Variants in NADSYN1 observed in about 807,000 individuals in gnomAD.
NADSYN1 encodes the protein glutamine-dependent NAD(+) synthetase.
In NADSYN1, 80 loss-of-function variants were observed where a neutral mutation model predicts 99.3. The observed-to-expected ratio is 0.81, with a 90% CI of 0.67 to 0.97. The LOEUF is 0.97. Ranked by LOEUF, NADSYN1 falls within the 50% of genes least tolerant of loss-of-function variation. The pLI, the probability that NADSYN1 is intolerant of heterozygous loss-of-function variation, is 0.00. For missense variants in NADSYN1, 859 were observed against 948.5 expected, an observed-to-expected ratio of 0.91 and a Z score of 1.24; for synonymous variants, 385 against 372.1, an observed-to-expected ratio of 1.03 and a Z score of -0.40.
At chr11:71,487,723 T>C (rs12800594) in intron 16 of NADSYN1, among the ~76,000 whole-genome samples, 1 of 146,478 alleles carries the variant, frequency 6.8e-6, no homozygotes, top group African/African-American at 2.5e-5. Context: ...CCCAGCTACT[T>C]GGGAGGCTGA....
intron 2 of NADSYN1, among the ~76,000 whole-genome samples, chr11:71,457,575 A>G (rs987429291): frequency 1.3e-5 from 2 of 152,264 alleles, no homozygotes; most frequent in Admixed American, 1.3e-4. Flanking sequence ...GAAACAAACT[A>G]GAGGCTTAAA....
At chr11:71,460,416 T>C (rs1006248683) in intron 3 of NADSYN1, among the ~76,000 whole-genome samples, 2 of 152,240 alleles carry the variant, frequency 1.3e-5, no homozygotes, top group African/African-American at 2.4e-5. Flanking sequence ...CATGGTGCCA[T>C]CCTGGCTCAC....
At chr11:71,498,679 G>A (rs1949837195) in intron 20 of NADSYN1, 151 bp downstream of exon 20, 10 of 831,470 alleles carry the variant, frequency 1.2e-5, no homozygotes, top group South Asian at 6.1e-5. Context: ...TGTTTAAAGC[G>A]TTTTTTAAAT....
At position 71,480,897 on chromosome 11, in the gene NADSYN1, C is replaced by G; in HGVS notation, c.998+18C>G. The G allele has an allele frequency of 6.2e-7, 1 of 1,612,774 alleles. No homozygotes were observed. The highest frequency in any genetic ancestry group is 2.2e-5 in the East Asian group (1 of 44,820). ...GAGATAAGGTGTGTGGCCCCTGACCCCTGGGAGGGACCTGGCGTCTGTGTG... is the reference window on the plus strand; with the variant it reads ...GAGATAAGGTGTGTGGCCCCTGACCGCTGGGAGGGACCTGGCGTCTGTGTG... On this transcript the variant is annotated intron_variant, in intron 11 of 20. Transcript: ENST00000319023.
At chr11:71,463,543 T>C (rs1629304) in intron 4 of NADSYN1, 58 bp downstream of exon 4, 1,536,660 of 1,543,208 alleles carry the variant, frequency 1, 765,124 homozygotes, top group African/African-American at 1. Context: ...GGCTCTCAGC[T>C]GAGGGCTGCC....
At chr11:71,498,620 T>C in intron 20 of NADSYN1, 92 bp downstream of exon 20, 1 of 1,417,922 alleles carries the variant, frequency 7.1e-7, no homozygotes, top group Non-Finnish European at 9.6e-7. Context: ...AACTTTCTTA[T>C]ATACACAGTA....
intron 13 of NADSYN1, chr11:71,482,644 G>C (rs916622972): frequency 2.5e-6 from 1 of 394,420 alleles, no homozygotes; most frequent in African/African-American, 2.9e-5. Flanking sequence ...CCGGGGTGGA[G>C]CCGCACAGGC....
chr11:71,489,886 G>A (rs952218331), intron 16 of NADSYN1, among the ~76,000 whole-genome samples: 1 of 152,202 alleles, frequency 6.6e-6, no homozygotes, highest in Non-Finnish European at 1.5e-5. Context: ...ACTGTGGAAG[G>A]GCTTGGCCTG....
At chr11:71,495,850 G>GC (rs1949815321) in intron 18 of NADSYN1, among the ~76,000 whole-genome samples, 1 of 152,230 alleles carries the variant, frequency 6.6e-6, no homozygotes, top group Non-Finnish European at 1.5e-5. Context: ...TCTGATGATG[G>GC]CCCTGGGGTG....
At position 71,473,483 on chromosome 11, in the gene NADSYN1, T is replaced by C. The variant is rs759624812; in HGVS notation, c.549-86T>C. On this transcript the variant is annotated intron_variant, in intron 7 of 20. Coordinates refer to ENST00000319023, the MANE Select transcript of NADSYN1 (RefSeq NM_018161.5). ...GTGGCCGTGGCCGTGGGCTGGGAGC[T>C]GCCGTGGGAGAGTGCAAGGGGCTGC... The C allele has an allele frequency of 3.8e-5, 58 of 1,529,214 alleles. No homozygotes were observed. The East Asian group carries it at 1.3e-3, about 33-fold the overall frequency. The allele number at this position is 1,529,214 out of a possible 1,614,324, so 94.7% of individuals were successfully genotyped here.
At chr11:71,486,175 G>A (rs1341911154) in intron 16 of NADSYN1, among the ~76,000 whole-genome samples, 1 of 152,174 alleles carries the variant, frequency 6.6e-6, no homozygotes, top group African/African-American at 2.4e-5. Context: ...ACTTCCCTTA[G>A]GTGAGCCTCT....
chr11:71,470,184 G>T (rs1235461452), intron 5 of NADSYN1, among the ~76,000 whole-genome samples: 1 of 152,204 alleles, frequency 6.6e-6, no homozygotes, highest in Non-Finnish European at 1.5e-5. Context: ...CATGAGAACA[G>T]TATGGGGGAA....
intron 10 of NADSYN1, chr11:71,479,298 G>A (rs1949689631): frequency 6.8e-6 from 1 of 147,372 alleles, no homozygotes; most frequent in South Asian, 2.1e-4. Context: ...GTCTCACTAT[G>A]TTGCCTAGGA....
At chr11:71,474,848 G>T (rs575319419) in intron 9 of NADSYN1, 1 of 377,748 alleles carries the variant, frequency 2.6e-6, no homozygotes, top group Non-Finnish European at 5.1e-6. Context: ...TCCCGCCCTC[G>T]GGTCTGGAGA....
chr11:71,482,305 G>A (rs2120476141), intron 13 of NADSYN1, among the ~76,000 whole-genome samples: 1 of 152,326 alleles, frequency 6.6e-6, no homozygotes, highest in African/African-American at 2.4e-5. Context: ...GGAGAACACA[G>A]GCGTCGGAGG....
chr11:71,462,226 A>G (rs1395753029), intron 3 of NADSYN1, among the ~76,000 whole-genome samples: 1 of 152,198 alleles, frequency 6.6e-6, no homozygotes, highest in Admixed American at 6.5e-5. Context: ...ATGAGCATCA[A>G]CACAGACCTT....
chr11:71,484,389 C>T lies in NADSYN1; in HGVS notation c.1397C>T (p.Pro466Leu), dbSNP rs551394555. 11 of 1,614,230 alleles carry T rather than the reference C, an allele frequency of 6.8e-6. No individual in the cohort carries two copies. Among genetic ancestry groups the T allele is most frequent in the African/African-American group, 1.3e-5 (1 of 75,070 alleles). ...TTCAGCCTGGTGACGGGGAAGAGCC[C>T]TCTGTTTGCAGCTCATGGAGGAAGC... ...GIFSLVTGKSPLFAAHGGSSR... is the reference protein window; with the variant it reads ...GIFSLVTGKSLLFAAHGGSSR... The change falls in exon 15 of 21, where the codon CCT (proline) becomes CTT (leucine). Residue 466 changes from proline (P) to leucine (L), a missense_variant. Transcript: ENST00000319023.
At chr11:71,455,011 T>G in intron 1 of NADSYN1, 99 bp from the exon 2 acceptor site, 2 of 832,648 alleles carry the variant, frequency 2.4e-6, no homozygotes, top group Non-Finnish European at 3.7e-6. Flanking sequence ...GTTGTTTGTT[T>G]TTTTTTTTAT....
chr11:71,467,004 C>G (rs1949596574), intron 5 of NADSYN1, among the ~76,000 whole-genome samples: 1 of 152,128 alleles, frequency 6.6e-6, no homozygotes. Flanking sequence ...CAATAGGAGA[C>G]ACCTCTGAAT....
Sources: allele counts gnomAD v4.1 joint callset (sites outside exome capture counted in the v4.1 genomes callset), GRCh38; gene constraint gnomAD v4.1.1; transcripts MANE v1.5; gene names NCBI Gene and HGNC (gene_info 2026-07-23, HGNC 2026-07-21).